The following PCDHGA7 variants were observed in gnomAD, a reference collection of about 807,000 sequenced individuals.
The protein encoded by PCDHGA7 is protocadherin gamma subfamily A, 7.
In PCDHGA7, 44 loss-of-function variants were observed where a neutral mutation model predicts 58.3. That is an observed-to-expected ratio of 0.75 (90% CI 0.59 to 0.97). The LOEUF is 0.97. Ranked by LOEUF, PCDHGA7 falls within the 50% of genes least tolerant of loss-of-function variation. The pLI, the probability that PCDHGA7 is intolerant of heterozygous loss-of-function variation, is 0.00. For synonymous variants in PCDHGA7, 516 were observed against 504.2 expected (o/e 1.02, Z -0.31); for missense variants, 1,266 against 1,188.7 (o/e 1.06, Z -0.96).
chr5:141,408,796 A>G (rs2154540634), intron 1 of PCDHGA7: 1 of 1,612,808 alleles, frequency 6.2e-7, no homozygotes, highest in Non-Finnish European at 8.5e-7. Context: ...CTCTGGAGAA[A>G]CTCCTAGACC....
chr5:141,399,940 C>T lies in PCDHGA7; in HGVS notation c.2424+14617C>T, dbSNP rs374856105. On this transcript the variant is annotated intron_variant, in intron 1 of 3. Transcript: ENST00000518325. Reference sequence around the variant, plus strand: ...CAACGCCTGGCTGTCCTACCACGTGCTGCAGGCTAGCGAGCCCGGGCTCTT... The same window carrying T: ...CAACGCCTGGCTGTCCTACCACGTGTTGCAGGCTAGCGAGCCCGGGCTCTT... 4.8e-4 allele frequency: 772 copies of T among 1,612,360 alleles called. 1 individual carries two copies. In the African/African-American group the frequency reaches 9.6e-3, roughly 20 times the overall value.
At chr5:141,394,982 C>CCTGCTCCA (rs2093142772) in intron 1 of PCDHGA7, 2 of 1,613,866 alleles carry the variant, frequency 1.2e-6, no homozygotes, top group South Asian at 2.2e-5. Flanking sequence ...ACAAGTCACG[C>CCTGCTCCA]CTGCTCCAGG....
Position 141,511,225 on chromosome 5 carries a change from C to A in PCDHGA7, c.*52C>A. ...GGCGGCCTCTCCCCAACCAGCCCAG[C>A]TTCTCCTTACCTGCACCCAGGCCTC... On this transcript the variant is annotated 3_prime_UTR_variant, in exon 4 of 4. Transcript: ENST00000518325. The A allele has an allele frequency of 6.2e-7, 1 of 1,601,624 alleles. No individual in the cohort carries two copies. Among genetic ancestry groups the A allele is most frequent in the Non-Finnish European group, 8.5e-7 (1 of 1,174,162 alleles).
At chr5:141,465,488 G>A (rs2099104080) in intron 1 of PCDHGA7, among the ~76,000 whole-genome samples, 1 of 152,224 alleles carries the variant, frequency 6.6e-6, no homozygotes. Flanking sequence ...AGAGGAATGA[G>A]CGGGAGCATT....
At chr5:141,501,866 C>T (rs1193396289) in intron 2 of PCDHGA7, among the ~76,000 whole-genome samples, 4 of 152,108 alleles carry the variant, frequency 2.6e-5, no homozygotes, top group South Asian at 2.1e-4. Context: ...TTTCCCAGGA[C>T]GCCTCCTTAC....
At chr5:141,439,183 ACT>A (rs1255299140) in intron 1 of PCDHGA7, among the ~76,000 whole-genome samples, 3 of 145,262 alleles carry the variant, frequency 2.1e-5, no homozygotes, top group Non-Finnish European at 3.0e-5. Context: ...ACATAGTGAG[ACT>A]CTGACAAAAA....
intron 1 of PCDHGA7, chr5:141,414,158 G>C: frequency 6.2e-7 from 1 of 1,602,572 alleles, no homozygotes; most frequent in Non-Finnish European, 8.5e-7. Context: ...GCAGAAGATG[G>C]AGGAGCATAT....
rs141556649 is a variant in PCDHGA7 at position 141,492,225 on chromosome 5, C to T, written c.2425-2582C>T. ...GTGTGCGCGCGGGGCTCATGCGTGT[C>T]CTCCCTGCTGGCCACCCCCACGGCC... On this transcript the variant is annotated intron_variant, in intron 1 of 3. Transcript: ENST00000518325. Among the ~76,000 whole-genome samples the T allele has an allele frequency of 2.4e-3, 361 of 152,274 alleles. No individual in the cohort carries two copies. In the Middle Eastern group the frequency reaches 0.024, roughly 10 times the overall value.
chr5:141,483,501 G>A (rs1022338958), intron 1 of PCDHGA7, among the ~76,000 whole-genome samples: 2 of 150,394 alleles, frequency 1.3e-5, no homozygotes, highest in Admixed American at 1.3e-4. Context: ...ATGAGTCAAG[G>A]CTGATCCCCC....
intron 1 of PCDHGA7, chr5:141,423,846 C>G: frequency 1.6e-6 from 2 of 1,278,968 alleles, no homozygotes; most frequent in Non-Finnish European, 2.0e-6. Flanking sequence ...GATAATCTTT[C>G]AGAACGTTTT....
At chr5:141,405,795 G>T (rs2094718009) in intron 1 of PCDHGA7, among the ~76,000 whole-genome samples, 1 of 149,108 alleles carries the variant, frequency 6.7e-6, no homozygotes, top group African/African-American at 2.4e-5. Context: ...TTCTATTATA[G>T]TTAGCTTTCT....
Position 141,491,636 on chromosome 5 carries a change from C to T in PCDHGA7, c.2425-3171C>T. ...AGACCCCTCAGCGTTCAGCAGCCCA[C>T]AGCTCTGGCGCTGGAGCCTGACGCC... On this transcript the variant is annotated intron_variant, in intron 1 of 3. Coordinates refer to ENST00000518325, the MANE Select transcript of PCDHGA7 (RefSeq NM_018920.4). This position sits in a 1 kb window ranked among gnomAD's most constrained non-coding sequence, Gnocchi z 6.9. 6.2e-7 allele frequency: 1 copy of T among 1,613,922 alleles called. No homozygotes were observed. Among genetic ancestry groups the T allele is most frequent in the Non-Finnish European group, 8.5e-7 (1 of 1,180,020 alleles).
rs200568923 is a variant in PCDHGA7 at position 141,413,794 on chromosome 5, G to A, written c.2424+28471G>A. On this transcript the variant is annotated intron_variant, in intron 1 of 3. Coordinates refer to ENST00000518325, the MANE Select transcript of PCDHGA7 (RefSeq NM_018920.4). The stretch of plus-strand genomic sequence containing the variant: ...GGTACTGGAGCACTCCCTAGATCGC[G>A]AGGAAGAGGCCATTCACCACCTGGT... 6.7e-5 allele frequency: 108 copies of A among 1,613,050 alleles called. No individual in the cohort carries two copies. Among genetic ancestry groups the A allele is most frequent in the Admixed American group, 8.3e-5 (5 of 59,990 alleles).
chr5:141,393,535 T>G, intron 1 of PCDHGA7: 1 of 1,613,888 alleles, frequency 6.2e-7, no homozygotes, highest in Non-Finnish European at 8.5e-7. Context: ...AATGCCCCGG[T>G]TTTTCCTCAC....
At position 141,489,135 on chromosome 5, in the gene PCDHGA7, G is replaced by T; in HGVS notation, c.2425-5672G>T. The T allele has an allele frequency of 1.4e-6, 1 of 725,448 alleles. No individual in the cohort carries two copies. The highest frequency in any genetic ancestry group is 2.1e-6 in the Non-Finnish European group (1 of 470,770). 44.9% of individuals were successfully genotyped at this position (725,448 alleles called of 1,614,324 possible). ...GCAAACCTCCGAGCAGTTTTTAAGA[G>T]GCTGGAAGGAGACATAAGAGACTTC... On this transcript the variant is annotated intron_variant, in intron 1 of 3. Coordinates refer to ENST00000518325, the MANE Select transcript of PCDHGA7 (RefSeq NM_018920.4). The surrounding 1 kb of genome is among the most constrained non-coding windows in gnomAD (Gnocchi z 4.5).
intron 1 of PCDHGA7, chr5:141,412,993 G>T (rs1401025160): frequency 1.2e-5 from 7 of 574,186 alleles, no homozygotes; most frequent in Non-Finnish European, 1.8e-5. Context: ...GCTCAATCCG[G>T]ATTCTCAGGG....
At chr5:141,484,468 C>T (rs2099596877) in intron 1 of PCDHGA7, among the ~76,000 whole-genome samples, 1 of 152,200 alleles carries the variant, frequency 6.6e-6, no homozygotes, top group South Asian at 2.1e-4. Context: ...ATGTGTAAGC[C>T]TTTTCTGCAA....
chr5:141,470,622 A>G (rs1323376824), intron 1 of PCDHGA7, among the ~76,000 whole-genome samples: 6 of 152,336 alleles, frequency 3.9e-5, no homozygotes, highest in Admixed American at 6.5e-5. Flanking sequence ...CTTCATGCTT[A>G]GATAGGCCCC....
intron 1 of PCDHGA7, chr5:141,416,864 G>C (rs2096066198): frequency 6.6e-6 from 1 of 151,862 alleles, no homozygotes; most frequent in Admixed American, 6.6e-5. Flanking sequence ...TTTCAGGTCA[G>C]TCAACATTTG....
Sources: gnomAD v4.1 joint callset for allele counts (sites outside exome capture counted in the v4.1 genomes callset) on GRCh38, gnomAD v4.1.1 for gene constraint, Gnocchi (gnomAD v3.1) non-coding constraint, MANE v1.5 for transcripts, NCBI Gene and HGNC (gene_info 2026-07-23, HGNC 2026-07-21) for gene names.